The following SMS variants were observed in gnomAD, a reference collection of about 807,000 sequenced individuals.
SMS encodes the protein spermidine aminopropyltransferase.
A neutral mutation model predicts 33.0 loss-of-function variants in SMS; 3 were observed. The observed-to-expected ratio is 0.09, with a 90% CI of 0.04 to 0.23. The LOEUF (loss-of-function observed/expected upper bound fraction) is 0.23. Among genes scored for constraint, SMS ranks in the 10% least tolerant of loss-of-function variants. The pLI, the probability that SMS is intolerant of heterozygous loss-of-function variation, is 1.00. For synonymous variants in SMS, 103 were observed against 112.2 expected (o/e 0.92, Z 0.52); for missense variants, 117 against 288.6 (o/e 0.41, Z 4.31).
At chrX:21,983,756 C>T (rs1569354050) in intron 7 of SMS, among the ~76,000 whole-genome samples, 1 of 111,831 alleles carries the variant, frequency 8.9e-6, no homozygotes, top group East Asian at 2.8e-4. Flanking sequence ...GGTACGGTGG[C>T]TCATGCCTCT....
rs769873962 is a variant in SMS at position 21,978,870 on chromosome X, T to C, written c.661-7T>C. 50 of 1,182,422 alleles carry C rather than the reference T, an allele frequency of 4.2e-5. No individual in the cohort carries two copies. Among genetic ancestry groups the C allele is most frequent in the Non-Finnish European group, 5.6e-5 (49 of 868,976 alleles). On this transcript the variant is annotated splice_region_variant and splice_polypyrimidine_tract_variant and intron_variant, in intron 6 of 10. Transcript: ENST00000404933. The stretch of plus-strand genomic sequence containing the variant: ...TATACCCAAATTCTCCTTAACCTGT[T>C]GCGGACATTGACCAAATGGTGATTG...
intron 1 of SMS, among the ~76,000 whole-genome samples, chrX:21,952,708 C>A (rs1393113005): frequency 1.8e-5 from 2 of 109,547 alleles, no homozygotes; most frequent in Admixed American, 2.0e-4. Context: ...GTAGAACTCT[C>A]CAGTGAAACC....
At chrX:21,962,349 A>AT (rs1378000218) in intron 1 of SMS, among the ~76,000 whole-genome samples, 1 of 112,319 alleles carries the variant, frequency 8.9e-6, no homozygotes, top group African/African-American at 3.2e-5. Context: ...ATTACAAAGC[A>AT]TTTTCTGGGG....
At chrX:21,992,096 T>C (rs1254287215) in intron 9 of SMS, among the ~76,000 whole-genome samples, 1 of 112,316 alleles carries the variant, frequency 8.9e-6, no homozygotes, top group African/African-American at 3.2e-5. Flanking sequence ...CTGAATAAAC[T>C]TTTGTTCTCT....
At chrX:21,984,574 A>G (rs925849601) in intron 8 of SMS, among the ~76,000 whole-genome samples, 156 bp downstream of exon 8, 2 of 112,059 alleles carry the variant, frequency 1.8e-5, no homozygotes, top group African/African-American at 3.2e-5. Context: ...TTTGGCTTCA[A>G]TTCCTGTTCT....
At chrX:21,983,283 G>T (rs1925103644) in intron 7 of SMS, among the ~76,000 whole-genome samples, 1 of 110,694 alleles carries the variant, frequency 9.0e-6, no homozygotes, top group Admixed American at 9.7e-5. Context: ...CCATTGTTCC[G>T]CCCACCTCAA....
At chrX:21,953,662 TG>T (rs2147494407) in intron 1 of SMS, among the ~76,000 whole-genome samples, 1 of 112,678 alleles carries the variant, frequency 8.9e-6, no homozygotes, top group Admixed American at 9.4e-5. Context: ...TTAGAGGAAT[TG>T]CCCCATTTCA....
chrX:21,980,429 A>AAAAAAAATATATATATATATAT (rs1260210326), intron 7 of SMS, among the ~76,000 whole-genome samples: 1 of 63,039 alleles, frequency 1.6e-5, no homozygotes, highest in African/African-American at 4.7e-5. Flanking sequence ...AAAAAAAAAA[A>AAAAAAAATATATATATATATAT]ATATATATAT....
chrX:21,960,312 A>G (rs1213202602), intron 1 of SMS, among the ~76,000 whole-genome samples: 1 of 110,569 alleles, frequency 9.0e-6, no homozygotes, highest in East Asian at 2.8e-4. Context: ...GCTTGGCGAG[A>G]ATAGAAATTC....
intron 10 of SMS, among the ~76,000 whole-genome samples, chrX:21,993,491 C>A (rs1027719371): frequency 1.8e-5 from 2 of 112,751 alleles, no homozygotes; most frequent in East Asian, 5.6e-4. Context: ...AGTCCAGGTT[C>A]CTGTGACGGC....
chrX:21,981,587 G>A (rs1476351621), intron 7 of SMS, among the ~76,000 whole-genome samples: 1 of 111,869 alleles, frequency 8.9e-6, no homozygotes, highest in Non-Finnish European at 1.9e-5. Flanking sequence ...AACTTGAACA[G>A]GTCTGAGTAT....
At chrX:21,984,836 C>T (rs185961051) in intron 8 of SMS, among the ~76,000 whole-genome samples, 2 of 111,440 alleles carry the variant, frequency 1.8e-5, no homozygotes, top group African/African-American at 3.3e-5. Flanking sequence ...AGTTTGCAGG[C>T]TCTGAATTTC....
intron 1 of SMS, among the ~76,000 whole-genome samples, chrX:21,961,301 AGTTTG>A: frequency 9.1e-6 from 1 of 109,686 alleles, no homozygotes; most frequent in South Asian, 4.0e-4. Context: ...CTGGCCAGTG[AGTTTG>A]GTTGGGGTAG....
At chrX:21,949,667 T>A (rs1922473198) in intron 1 of SMS, among the ~76,000 whole-genome samples, 1 of 112,277 alleles carries the variant, frequency 8.9e-6, no homozygotes, top group South Asian at 3.7e-4. Flanking sequence ...ACTGCTGTAT[T>A]TAATTCTGAA....
At chrX:21,975,416 T>C (rs1402597738) in intron 4 of SMS, among the ~76,000 whole-genome samples, 1 of 112,037 alleles carries the variant, frequency 8.9e-6, no homozygotes, top group East Asian at 2.8e-4. Flanking sequence ...CACTGTTTAG[T>C]TTCAGTGGGT....
chrX:21,975,325 C>T (rs1924463734), intron 4 of SMS, among the ~76,000 whole-genome samples: 1 of 111,244 alleles, frequency 9.0e-6, no homozygotes, highest in Non-Finnish European at 1.9e-5. Flanking sequence ...CTTTGCTAGT[C>T]TTTAAAAAAA....
chrX:21,943,487 TAA>T (rs1475377669), intron 1 of SMS, among the ~76,000 whole-genome samples: 1 of 111,444 alleles, frequency 9.0e-6, no homozygotes. Flanking sequence ...AGATTGACGA[TAA>T]AGACGTGTAT....
intron 9 of SMS, among the ~76,000 whole-genome samples, chrX:21,989,037 G>A (rs776351091): frequency 9.1e-6 from 1 of 110,274 alleles, no homozygotes. Flanking sequence ...ACCCATCTTT[G>A]GTCTCACTTT....
At chrX:21,993,843 C>G (rs1925916134) in intron 10 of SMS, among the ~76,000 whole-genome samples, 1 of 109,299 alleles carries the variant, frequency 9.1e-6, no homozygotes. Context: ...CCTGCTAGTT[C>G]TTCTCTCTCC....
Sources: gnomAD v4.1 joint callset for allele counts (sites outside exome capture counted in the v4.1 genomes callset) on GRCh38, gnomAD v4.1.1 for gene constraint, MANE v1.5 for transcripts, NCBI Gene and HGNC (gene_info 2026-07-23, HGNC 2026-07-21) for gene names.